CHD5: variants seen among roughly 807,000 people sequenced by gnomAD.
CHD5 encodes the protein chromodomain helicase DNA binding protein 5.
A neutral mutation model predicts 230.3 loss-of-function variants in CHD5; 69 were observed. The observed-to-expected ratio is 0.30, with a 90% CI of 0.25 to 0.37. The LOEUF is 0.37. CHD5 is among the 10% of genes least tolerant of loss of function. CHD5 has a pLI of 1.00. For missense variants in CHD5, 1,827 were observed against 2,622.8 expected (o/e 0.70, Z 6.63); for synonymous variants, 1,064 against 1,065.9 (o/e 1.00, Z 0.03).
chr1:6,177,695 CCAT>C (rs1470402229), intron 1 of CHD5, among the ~76,000 whole-genome samples: 3 of 152,188 alleles, frequency 2.0e-5, no homozygotes, highest in African/African-American at 7.2e-5. Flanking sequence ...GTGTCCCTCC[CCAT>C]CATAACATTC....
rs1041547803 is a variant in CHD5 at position 6,101,988 on chromosome 1, C to T, written c.*3486G>A. On this transcript the variant is annotated 3_prime_UTR_variant, in exon 42 of 42. Transcript: ENST00000262450. ...GGGCCACCCTGGCTGGGACTCCTGG[C>T]GCGCCTTGCACCCAGCCCAGGGCCC... 11 of 415,414 alleles carry T rather than the reference C, an allele frequency of 2.6e-5. No homozygotes were observed. The highest frequency in any genetic ancestry group is 1.1e-4 in the African/African-American group (5 of 45,914). The allele number at this position is 415,414 out of a possible 1,614,324, so 25.7% of individuals were successfully genotyped here.
chr1:6,128,615 A>G lies in CHD5; in HGVS notation c.3620-6T>C, dbSNP rs752584064. 6.2e-7 allele frequency: 1 copy of G among 1,606,738 alleles called. No homozygotes were observed. Among genetic ancestry groups the G allele is most frequent in the South Asian group, 1.1e-5 (1 of 90,910 alleles). On this transcript the variant is annotated splice_polypyrimidine_tract_variant and splice_region_variant and intron_variant, in intron 23 of 41. Transcript: ENST00000262450. This position sits in a 1 kb window ranked among gnomAD's most constrained non-coding sequence, Gnocchi z 7.8. ...CTGGCCCTGAGACATCATGCCTGTC[A>G]GACAGAGAAGGAAAGCACTGGTGCA...
In CHD5 at chr1:6,130,455, G is replaced by A. The variant is rs1015799813; in HGVS notation, c.3263-127C>T. On this transcript the variant is annotated intron_variant, in intron 21 of 41. Transcript: ENST00000262450. The surrounding 1 kb of genome is among the most constrained non-coding windows in gnomAD (Gnocchi z 4.9). ...ATCCCTGGCAGAGAAGGACAAAGCCGGAGACCCCATCAGAGACGGGTGGCC... is the reference window on the plus strand; with the variant it reads ...ATCCCTGGCAGAGAAGGACAAAGCCAGAGACCCCATCAGAGACGGGTGGCC... The A allele has an allele frequency of 7.5e-5, 68 of 905,392 alleles. 1 individual carries two copies. In the African/African-American group the frequency reaches 9.6e-4, roughly 13 times the overall value. 56.1% of individuals were successfully genotyped at this position (905,392 alleles called of 1,614,324 possible).
intron 1 of CHD5, among the ~76,000 whole-genome samples, chr1:6,170,303 GCCTGGGACCCCCAGAGAGT>G (rs1667316782): frequency 6.6e-6 from 1 of 152,160 alleles, no homozygotes; most frequent in African/African-American, 2.4e-5. Context: ...CCACCGCCCG[GCCTGGGACCCCCAGAGAGT>G]CCTAAGCGGG....
At position 6,179,955 on chromosome 1, in the gene CHD5, G is replaced by T; in HGVS notation, c.69C>A (p.Asp23Glu). The T allele has an allele frequency of 7.4e-7, 1 of 1,359,068 alleles. No homozygotes were observed. The highest frequency in any genetic ancestry group is 9.6e-7 in the Non-Finnish European group (1 of 1,040,348). 84.2% of individuals were successfully genotyped at this position (1,359,068 alleles called of 1,614,324 possible). A position where few individuals can be genotyped will look rare whatever the true frequency, so the allele number is the denominator to read the frequency against. The change falls in exon 1 of 42, where the codon GAC (aspartate) becomes GAA (glutamate). Residue 23 changes from aspartate to glutamate, a missense_variant. Around this residue, in one of 14 missense-constraint regions of CHD5, gnomAD observed 113 missense variants for 91.9 expected, o/e 1.23. Coordinates refer to ENST00000262450, the MANE Select transcript of CHD5 (RefSeq NM_015557.3). ...RLFAEEMENE[D>E]EMSEEEDGGL... Reference sequence around the variant, plus strand: ...CCGCGCCCCGCTCACCTGACATCTCGTCCTCATTCTCCATCTCCTCGGCGA... The same window carrying T: ...CCGCGCCCCGCTCACCTGACATCTCTTCCTCATTCTCCATCTCCTCGGCGA...
chr1:6,151,677 T>C (rs368214064), intron 6 of CHD5, among the ~76,000 whole-genome samples: 16 of 152,330 alleles, frequency 1.1e-4, no homozygotes, highest in African/African-American at 3.8e-4. Flanking sequence ...AACAAATATC[T>C]GCTAAGCTGA....
At position 6,128,781 on chromosome 1, in the gene CHD5, GT is replaced by G; in HGVS notation, c.3619+56del. The G allele has an allele frequency of 2.0e-6, 3 of 1,472,170 alleles. No individual in the cohort carries two copies. Among genetic ancestry groups the G allele is most frequent in the Non-Finnish European group, 1.9e-6 (2 of 1,059,282 alleles). 91.2% of individuals were successfully genotyped at this position (1,472,170 alleles called of 1,614,324 possible). On this transcript the variant is annotated intron_variant, in intron 23 of 41. Coordinates refer to ENST00000262450, the MANE Select transcript of CHD5 (RefSeq NM_015557.3). The surrounding 1 kb of genome is among the most constrained non-coding windows in gnomAD (Gnocchi z 7.8). The stretch of plus-strand genomic sequence containing the variant: ...AGGGACCCAAGCAAGCCCTGGATGG[GT>G]GTCTCAGCCGGGCCACCCCAGTCCC...
chr1:6,150,987 A>G (rs1312865787), intron 7 of CHD5, 45 bp downstream of exon 7: 2 of 1,467,900 alleles, frequency 1.4e-6, no homozygotes, highest in Non-Finnish European at 1.8e-6. Context: ...GTGCCCCACT[A>G]CATCCACCCA....
rs369449187 is a variant in CHD5, at chr1:6,146,171, G to A, written c.1802+41C>T. The A allele has an allele frequency of 8.9e-5, 142 of 1,593,028 alleles. No homozygotes were observed. Among genetic ancestry groups the A allele is most frequent in the Admixed American group, 2.3e-4 (14 of 59,782 alleles). On this transcript the variant is annotated intron_variant, in intron 11 of 41. Transcript: ENST00000262450. The surrounding 1 kb of genome is among the most constrained non-coding windows in gnomAD (Gnocchi z 5.1). ...CAGGGCAAAGAAGCTGACGTGGCCC[G>A]GCCCCAGCGATGGGCAGGGTGGCCG...
At chr1:6,143,739 G>T in intron 13 of CHD5, 84 bp downstream of exon 13, 1 of 1,230,562 alleles carries the variant, frequency 8.1e-7, no homozygotes, top group Non-Finnish European at 1.2e-6. Context: ...ATCCTTTTGA[G>T]AACACACACC....
chr1:6,121,638 G>T lies in CHD5; in HGVS notation c.4700-65C>A. 8.1e-7 allele frequency: 1 copy of T among 1,235,150 alleles called. No individual in the cohort carries two copies. Among genetic ancestry groups the T allele is most frequent in the Non-Finnish European group, 1.2e-6 (1 of 860,862 alleles). The allele number at this position is 1,235,150 out of a possible 1,614,324, so 76.5% of individuals were successfully genotyped here. On this transcript the variant is annotated intron_variant, in intron 31 of 41. Transcript: ENST00000262450. The surrounding 1 kb of genome is among the most constrained non-coding windows in gnomAD (Gnocchi z 4.5). The stretch of plus-strand genomic sequence containing the variant: ...GACGGGAAGGAGTAGGGCAGGGAGT[G>T]GGGTGGCAGAGAGGAGAGATGGGGG...
At chr1:6,157,360 G>A (rs1436674839) in intron 3 of CHD5, among the ~76,000 whole-genome samples, 2 of 152,218 alleles carry the variant, frequency 1.3e-5, no homozygotes, top group Non-Finnish European at 2.9e-5. Context: ...CCACAAGAAT[G>A]CTCAGCCATG....
At position 6,137,154 on chromosome 1, in the gene CHD5, T is replaced by C. The variant is rs116174533; in HGVS notation, c.2437-289A>G. On this transcript the variant is annotated intron_variant, in intron 15 of 41. Transcript: ENST00000262450. ...AGTGTCTTACTCCCACCCCCCAGCG[T>C]GGAGTACAGTGGCACGATCACCACT... Among the ~76,000 whole-genome samples the C allele has an allele frequency of 9.0e-3, 1,367 of 152,200 alleles. 20 individuals carry two copies. Among genetic ancestry groups the C allele is most frequent in the African/African-American group, 0.031 (1,283 of 41,510 alleles).
At chr1:6,110,607 G>A (rs972742849) in intron 36 of CHD5, 81 bp from the exon 37 acceptor site, 4 of 1,430,226 alleles carry the variant, frequency 2.8e-6, no homozygotes, top group Middle Eastern at 4.9e-4. Flanking sequence ...GGAGGGGGAG[G>A]GGCCAGCCCG....
In CHD5 at chr1:6,130,196, G is replaced by A; in HGVS notation, c.3387+8C>T. The A allele has an allele frequency of 1.9e-6, 3 of 1,613,874 alleles. No homozygotes were observed. Among genetic ancestry groups the A allele is most frequent in the Middle Eastern group, 1.7e-4 (1 of 6,058 alleles). ...CCTGGGAGGGTGGTGGGCGGCAGCAGCACAGACCTGGATGTCATTGTGCGG... is the reference window on the plus strand; with the variant it reads ...CCTGGGAGGGTGGTGGGCGGCAGCAACACAGACCTGGATGTCATTGTGCGG... On this transcript the variant is annotated splice_region_variant and intron_variant, in intron 22 of 41. Coordinates refer to ENST00000262450, the MANE Select transcript of CHD5 (RefSeq NM_015557.3). This position sits in a 1 kb window ranked among gnomAD's most constrained non-coding sequence, Gnocchi z 4.9.
In CHD5 at chr1:6,165,719, C is replaced by T. The variant is rs1353936173; in HGVS notation, c.207+2431G>A. Among the ~76,000 whole-genome samples the T allele has an allele frequency of 2.0e-5, 3 of 152,008 alleles. No homozygotes were observed. In the East Asian group the frequency reaches 5.8e-4, roughly 29 times the overall value. ...ACCGACCTCTGGGGCCAGGGGACAG[C>T]GGCCACAGCAGCAGAAGAGGAGGGC... On this transcript the variant is annotated intron_variant, in intron 2 of 41. Coordinates refer to ENST00000262450, the MANE Select transcript of CHD5 (RefSeq NM_015557.3).
intron 34 of CHD5, 25 bp from the exon 35 acceptor site, chr1:6,112,302 T>C: frequency 7.5e-6 from 12 of 1,608,038 alleles, no homozygotes; most frequent in African/African-American, 1.3e-5. Flanking sequence ...TCACATTCAT[T>C]CATCCATCCA....
chr1:6,114,523 T>C (rs965079517), intron 33 of CHD5, among the ~76,000 whole-genome samples: 7 of 136,954 alleles, frequency 5.1e-5, no homozygotes, highest in Non-Finnish European at 7.9e-5. Context: ...CACACACACA[T>C]TTTTTTGTGA....
intron 36 of CHD5, 148 bp downstream of exon 36, chr1:6,111,627 G>C: frequency 1.6e-6 from 1 of 644,232 alleles, no homozygotes; most frequent in Non-Finnish European, 2.8e-6. Flanking sequence ...GGGCGACACA[G>C]CAATGCCGAG....
Sources: gnomAD v4.1 joint callset for allele counts (sites outside exome capture counted in the v4.1 genomes callset) on GRCh38, gnomAD v4.1.1 for gene constraint, gnomAD v4.1.1 regional missense constraint, Gnocchi (gnomAD v3.1) non-coding constraint, MANE v1.5 for transcripts, NCBI Gene and HGNC (gene_info 2026-07-23, HGNC 2026-07-21) for gene names.